DTL: variants seen among roughly 807,000 people sequenced by gnomAD.
DTL encodes denticleless protein homolog.
Under a neutral mutation model 87.0 loss-of-function variants are expected in DTL, and 46 were observed. The ratio of observed to expected loss-of-function variants is 0.53; its 90% CI spans 0.42 to 0.68. DTL has a LOEUF of 0.68. DTL is among the 30% of genes least tolerant of loss of function. The pLI, the probability that DTL is intolerant of heterozygous loss-of-function variation, is 0.00. For synonymous variants in DTL, 308 were observed against 311.2 expected (o/e 0.99, Z 0.11); for missense variants, 737 against 869.4 (o/e 0.85, Z 1.91).
chr1:212,082,039 G>T (rs902917082), intron 13 of DTL, among the ~76,000 whole-genome samples: 1 of 152,142 alleles, frequency 6.6e-6, no homozygotes, highest in African/African-American at 2.4e-5. Flanking sequence ...GATGTTTAGA[G>T]GTTGAGGAGG....
At chr1:212,062,274 C>T (rs1264482217) in intron 5 of DTL, among the ~76,000 whole-genome samples, 2 of 152,144 alleles carry the variant, frequency 1.3e-5, no homozygotes, top group Admixed American at 1.3e-4. Flanking sequence ...GGGTTTTTTT[C>T]TGGCTTAATT....
intron 7 of DTL, among the ~76,000 whole-genome samples, chr1:212,065,352 T>A (rs889474357): frequency 6.6e-6 from 1 of 152,220 alleles, no homozygotes; most frequent in Non-Finnish European, 1.5e-5. Context: ...AAAGTGGTTT[T>A]TTTTTTTACA....
intron 5 of DTL, among the ~76,000 whole-genome samples, chr1:212,048,871 A>G (rs1464291303): frequency 6.6e-6 from 1 of 150,602 alleles, no homozygotes; most frequent in Admixed American, 6.6e-5. Flanking sequence ...CACCTGAGCC[A>G]TTTAGGAGGT....
intron 11 of DTL, among the ~76,000 whole-genome samples, chr1:212,075,426 G>A (rs1016503928): frequency 6.6e-6 from 1 of 152,048 alleles, no homozygotes; most frequent in Non-Finnish European, 1.5e-5. Context: ...CTTAATAGTC[G>A]CCTTCCTACT....
At chr1:212,070,770 A>T (rs1654648182) in intron 10 of DTL, among the ~76,000 whole-genome samples, 1 of 152,204 alleles carries the variant, frequency 6.6e-6, no homozygotes, top group South Asian at 2.1e-4. Flanking sequence ...ACTTGGTTGG[A>T]AGTACTTGAA....
At chr1:212,052,287 T>G (rs1668007079) in intron 5 of DTL, among the ~76,000 whole-genome samples, 1 of 152,216 alleles carries the variant, frequency 6.6e-6, no homozygotes, top group Non-Finnish European at 1.5e-5. Context: ...TGTTTTAGCT[T>G]TTTGTATTTG....
intron 10 of DTL, among the ~76,000 whole-genome samples, chr1:212,070,144 T>C (rs566356045): frequency 1.3e-5 from 2 of 152,224 alleles, no homozygotes; most frequent in Non-Finnish European, 2.9e-5. Context: ...TTATCAGATG[T>C]ACAAGAGCTC....
intron 5 of DTL, among the ~76,000 whole-genome samples, chr1:212,061,512 C>A (rs199828806): frequency 0.014 from 1,688 of 124,292 alleles, 32 homozygotes; most frequent in African/African-American, 0.045. Flanking sequence ...AAAAAAAAAA[C>A]AAATAGAATT....
intron 5 of DTL, among the ~76,000 whole-genome samples, chr1:212,049,031 T>G (rs759922355): frequency 2.0e-5 from 3 of 152,192 alleles, no homozygotes; most frequent in Non-Finnish European, 4.4e-5. Flanking sequence ...CAAGCAATTC[T>G]CATGCCTCAA....
At chr1:212,049,083 C>T (rs1667887779) in intron 5 of DTL, among the ~76,000 whole-genome samples, 1 of 152,146 alleles carries the variant, frequency 6.6e-6, no homozygotes, top group Non-Finnish European at 1.5e-5. Flanking sequence ...CCACCACGCC[C>T]AGCTAATTTT....
chr1:212,043,746 C>T (rs1667725633), intron 2 of DTL, among the ~76,000 whole-genome samples: 1 of 150,218 alleles, frequency 6.7e-6, no homozygotes, highest in East Asian at 1.9e-4. Flanking sequence ...AAGAGACTCA[C>T]TTGAACCTGA....
At chr1:212,035,992 C>T (rs778572459) in intron 1 of DTL, 50 bp downstream of exon 1, 2 of 1,580,724 alleles carry the variant, frequency 1.3e-6, no homozygotes, top group Non-Finnish European at 1.7e-6. Context: ...TTCATTTCCC[C>T]CGAAACACAC....
At chr1:212,061,247 CAAAAA>C (rs1258680124) in intron 5 of DTL, among the ~76,000 whole-genome samples, 2 of 105,342 alleles carry the variant, frequency 1.9e-5, no homozygotes, top group Non-Finnish European at 4.1e-5. Flanking sequence ...GATCCTGTCT[CAAAAA>C]AAAAAAAAAA....
chr1:212,037,335 A>G (rs17018382), intron 1 of DTL, among the ~76,000 whole-genome samples: 5,202 of 152,272 alleles, frequency 0.034, 300 homozygotes, highest in African/African-American at 0.12. Flanking sequence ...CTATAGAATC[A>G]TCTCCTTTCC....
At position 212,035,797 on chromosome 1, in the gene DTL, A is replaced by G. The variant is rs1449596239; in HGVS notation, c.-94A>G. The G allele has an allele frequency of 4.0e-6, 5 of 1,251,958 alleles. No individual in the cohort carries two copies. Among genetic ancestry groups the G allele is most frequent in the Admixed American group, 3.8e-5 (2 of 53,024 alleles). 77.6% of individuals were successfully genotyped at this position (1,251,958 alleles called of 1,614,324 possible). ...GTGGCGGGAGTTGGAGGCGATAACG[A>G]TTTGTGTTGTGAGAGGCGCAAGCTG... On this transcript the variant is annotated 5_prime_UTR_variant, in exon 1 of 15. Coordinates refer to ENST00000366991, the MANE Select transcript of DTL (RefSeq NM_016448.4).
chr1:212,057,518 G>A (rs932351231), intron 5 of DTL, among the ~76,000 whole-genome samples: 11 of 152,038 alleles, frequency 7.2e-5, no homozygotes, highest in African/African-American at 1.4e-4. Context: ...GTCTTATACC[G>A]GGAAGTGAAG....
intron 13 of DTL, among the ~76,000 whole-genome samples, chr1:212,097,964 A>T (rs1225543853): frequency 6.6e-6 from 1 of 152,060 alleles, no homozygotes. Flanking sequence ...GCTTTCTGAG[A>T]GCTGGACTGC....
intron 13 of DTL, among the ~76,000 whole-genome samples, chr1:212,081,208 CA>C (rs762843021): frequency 9.9e-5 from 15 of 152,138 alleles, no homozygotes; most frequent in Non-Finnish European, 1.9e-4. Flanking sequence ...ATTAGGTGAC[CA>C]GGGGGGCCTC....
intron 7 of DTL, 39 bp from the exon 8 acceptor site, chr1:212,066,773 T>C (rs763001372): frequency 7.5e-6 from 12 of 1,591,328 alleles, no homozygotes; most frequent in Non-Finnish European, 9.5e-6. Context: ...AAGATTATGA[T>C]GCCCAAGATA....
Sources: gnomAD v4.1 joint callset for allele counts (sites outside exome capture counted in the v4.1 genomes callset) on GRCh38, gnomAD v4.1.1 for gene constraint, MANE v1.5 for transcripts, NCBI Gene and HGNC (gene_info 2026-07-23, HGNC 2026-07-21) for gene names.